TLE4: variants seen among roughly 807,000 people sequenced by gnomAD.
TLE4 encodes the protein transducin-like enhancer protein 4.
A neutral mutation model predicts 92.8 loss-of-function variants in TLE4; 8 were observed. The ratio of observed to expected loss-of-function variants is 0.09; its 90% CI spans 0.05 to 0.16. The LOEUF is 0.16. TLE4 is among the 10% of genes least tolerant of loss of function. The pLI, the probability that TLE4 is intolerant of heterozygous loss-of-function variation, is 1.00. For missense variants in TLE4, 675 were observed against 997.6 expected (o/e 0.68, Z 4.36); for synonymous variants, 371 against 374.1 (o/e 0.99, Z 0.10).
intron 5 of TLE4, among the ~76,000 whole-genome samples, chr9:79,618,547 A>G (rs1282800251): frequency 6.6e-6 from 1 of 152,190 alleles, no homozygotes; most frequent in Non-Finnish European, 1.5e-5. Context: ...CTTTAGAGAA[A>G]TGGCATTCAT....
chr9:79,589,387 T>C (rs575520557), intron 4 of TLE4, among the ~76,000 whole-genome samples: 53 of 152,162 alleles, frequency 3.5e-4, no homozygotes, highest in Middle Eastern at 3.4e-3. Context: ...AATAGAGATA[T>C]TACATGATCC....
At chr9:79,672,060 C>G (rs1459693503) in intron 8 of TLE4, among the ~76,000 whole-genome samples, 1 of 104,832 alleles carries the variant, frequency 9.5e-6, no homozygotes, top group Non-Finnish European at 1.7e-5. Context: ...GATGCCCTTT[C>G]AGTGATTAGT....
At chr9:79,642,324 T>C (rs1380605802) in intron 6 of TLE4, among the ~76,000 whole-genome samples, 2 of 152,022 alleles carry the variant, frequency 1.3e-5, no homozygotes, top group Non-Finnish European at 2.9e-5. Context: ...GGTATAATCA[T>C]AGGGCACCAC....
At chr9:79,619,548 G>A (rs1440829896) in intron 5 of TLE4, among the ~76,000 whole-genome samples, 1 of 152,158 alleles carries the variant, frequency 6.6e-6, no homozygotes, top group East Asian at 1.9e-4. Context: ...AGGAATCAAT[G>A]GCTTGTGATA....
intron 8 of TLE4, among the ~76,000 whole-genome samples, chr9:79,658,598 A>C (rs931395173): frequency 6.6e-6 from 1 of 152,190 alleles, no homozygotes; most frequent in Non-Finnish European, 1.5e-5. Flanking sequence ...ATTGAAGGGC[A>C]TGATTCAGGC....
At chr9:79,662,358 C>A (rs1221329367) in intron 8 of TLE4, among the ~76,000 whole-genome samples, 1 of 152,020 alleles carries the variant, frequency 6.6e-6, no homozygotes, top group African/African-American at 2.4e-5. Flanking sequence ...GTGATGCCAC[C>A]CAGTGAGAGA....
At chr9:79,631,033 A>G (rs889650758) in intron 6 of TLE4, among the ~76,000 whole-genome samples, 29 of 152,306 alleles carry the variant, frequency 1.9e-4, no homozygotes, top group African/African-American at 2.2e-4. Flanking sequence ...CCCATCCCCA[A>G]TAAACCCTTA....
intron 6 of TLE4, among the ~76,000 whole-genome samples, chr9:79,647,987 G>A (rs1419952769): frequency 6.6e-6 from 1 of 151,894 alleles, no homozygotes; most frequent in African/African-American, 2.4e-5. Flanking sequence ...CTCTGTGGGT[G>A]TGTGTTGATT....
intron 4 of TLE4, among the ~76,000 whole-genome samples, chr9:79,604,409 A>G (rs1407941159): frequency 6.6e-6 from 1 of 152,176 alleles, no homozygotes; most frequent in Non-Finnish European, 1.5e-5. Flanking sequence ...GGAAAAGGCC[A>G]AAACTTGGGT....
chr9:79,587,199 T>C (rs2041342402), intron 4 of TLE4, among the ~76,000 whole-genome samples: 1 of 152,244 alleles, frequency 6.6e-6, no homozygotes, highest in Non-Finnish European at 1.5e-5. Flanking sequence ...TTTAATTTTT[T>C]CATTTTATTG....
At chr9:79,722,184 A>G (rs1392064271) in intron 17 of TLE4, among the ~76,000 whole-genome samples, 2 of 152,088 alleles carry the variant, frequency 1.3e-5, no homozygotes, top group Non-Finnish European at 2.9e-5. Flanking sequence ...AAAAACAAAA[A>G]TGATACGGTT....
At chr9:79,602,913 G>A (rs1197068041) in intron 4 of TLE4, among the ~76,000 whole-genome samples, 1 of 152,068 alleles carries the variant, frequency 6.6e-6, no homozygotes, top group Non-Finnish European at 1.5e-5. Context: ...ATGGGAGGAG[G>A]TCAAAATACC....
chr9:79,661,881 C>T (rs1375684996), intron 8 of TLE4, among the ~76,000 whole-genome samples: 2 of 152,146 alleles, frequency 1.3e-5, no homozygotes, highest in East Asian at 1.9e-4. Context: ...AATTCCCGCT[C>T]ATTTGTGATA....
intron 4 of TLE4, among the ~76,000 whole-genome samples, chr9:79,594,757 T>A (rs146240316): frequency 7.2e-4 from 110 of 152,320 alleles, no homozygotes; most frequent in African/African-American, 2.5e-3. Context: ...TGACCTCTTG[T>A]ATTTTGGGGT....
At chr9:79,652,559 A>C in intron 6 of TLE4, 34 bp from the exon 7 acceptor site, 1 of 1,612,428 alleles carries the variant, frequency 6.2e-7, no homozygotes, top group Non-Finnish European at 8.5e-7. Flanking sequence ...ATATGGGGGC[A>C]AATTCAATAT....
At chr9:79,700,978 T>G (rs889260348) in intron 8 of TLE4, among the ~76,000 whole-genome samples, 3 of 152,176 alleles carry the variant, frequency 2.0e-5, no homozygotes, top group Non-Finnish European at 4.4e-5. Flanking sequence ...TTGAGAAATA[T>G]CTAAATTGAG....
At chr9:79,705,752 AG>A in intron 9 of TLE4, 136 bp from the exon 10 acceptor site, 1 of 871,848 alleles carries the variant, frequency 1.1e-6, no homozygotes, top group Non-Finnish European at 1.9e-6. Context: ...TAAAGAAAAT[AG>A]GACATTGTCA....
At chr9:79,709,777 C>G in intron 14 of TLE4, 78 bp downstream of exon 14, 1 of 1,255,504 alleles carries the variant, frequency 8.0e-7, no homozygotes, top group Admixed American at 1.8e-5. Flanking sequence ...TAGAATACCA[C>G]TAGACAGTGT....
At chr9:79,647,286 A>G (rs1453981666) in intron 6 of TLE4, among the ~76,000 whole-genome samples, 1 of 152,216 alleles carries the variant, frequency 6.6e-6, no homozygotes, top group Non-Finnish European at 1.5e-5. Flanking sequence ...ACTCATTAAA[A>G]GCTTTGAATA....
Sources: gnomAD v4.1 joint callset for allele counts (sites outside exome capture counted in the v4.1 genomes callset) on GRCh38, gnomAD v4.1.1 for gene constraint, MANE v1.5 for transcripts, NCBI Gene and HGNC (gene_info 2026-07-23, HGNC 2026-07-21) for gene names.